The following GLIS3 variants were observed in gnomAD, a reference collection of about 807,000 sequenced individuals.
The protein encoded by GLIS3 is zinc finger protein GLIS3.
Under a neutral mutation model 78.6 loss-of-function variants are expected in GLIS3, and 53 were observed. The observed-to-expected ratio is 0.67, with a 90% CI of 0.54 to 0.85. GLIS3 has a LOEUF of 0.85. GLIS3 is among the 40% of genes least tolerant of loss of function. The pLI is 0.00. For missense variants in GLIS3, 1,703 were observed against 1,231.1 expected (o/e 1.38, Z -5.74); for synonymous variants, 684 against 509.9 (o/e 1.34, Z -4.60).
At chr9:4,269,466 G>C (rs887653313) in intron 2 of GLIS3, among the ~76,000 whole-genome samples, 3 of 152,170 alleles carry the variant, frequency 2.0e-5, no homozygotes, top group African/African-American at 7.2e-5. Flanking sequence ...ATATTACGAA[G>C]TATTGTCCAA....
intron 4 of GLIS3, among the ~76,000 whole-genome samples, chr9:3,984,151 C>T (rs996013288): frequency 1.3e-5 from 2 of 152,128 alleles, no homozygotes; most frequent in Non-Finnish European, 2.9e-5. Context: ...CACACAAAGT[C>T]CCTCCTAGGG....
At chr9:4,113,467 A>G (rs983420737) in intron 4 of GLIS3, among the ~76,000 whole-genome samples, 3 of 152,138 alleles carry the variant, frequency 2.0e-5, no homozygotes, top group African/African-American at 7.2e-5. Flanking sequence ...AAGGGTATCC[A>G]CTTCTCCATA....
chr9:4,059,067 A>G (rs1342283868), intron 4 of GLIS3, among the ~76,000 whole-genome samples: 2 of 152,090 alleles, frequency 1.3e-5, no homozygotes, highest in African/African-American at 2.4e-5. Flanking sequence ...ACCCTGAGTC[A>G]TCTAATCTAT....
At chr9:4,368,030 T>G in the GLIS3 span, among the ~76,000 whole-genome samples, 1 of 152,214 alleles carries the variant, frequency 6.6e-6, no homozygotes, top group African/African-American at 2.4e-5. Flanking sequence ...TTCTACTGTA[T>G]GATGTTTCCT....
At chr9:3,871,159 A>G (rs1235113961) in intron 8 of GLIS3, among the ~76,000 whole-genome samples, 2 of 152,222 alleles carry the variant, frequency 1.3e-5, no homozygotes, top group Non-Finnish European at 2.9e-5. Context: ...CCCAGGTCAC[A>G]CTGATGCAAG....
At chr9:4,457,103 C>G in the GLIS3 span, among the ~76,000 whole-genome samples, 5 of 152,094 alleles carry the variant, frequency 3.3e-5, no homozygotes, top group Non-Finnish European at 7.4e-5. Flanking sequence ...TGGCTCAAAG[C>G]TATAATCTCA....
chr9:4,023,416 T>C (rs896884505), intron 4 of GLIS3, among the ~76,000 whole-genome samples: 4 of 152,192 alleles, frequency 2.6e-5, no homozygotes, highest in Admixed American at 6.5e-5. Context: ...GCCTGCTAGC[T>C]TGGCCATCAG....
At chr9:3,926,299 C>G (rs1342470398) in intron 6 of GLIS3, among the ~76,000 whole-genome samples, 1 of 146,930 alleles carries the variant, frequency 6.8e-6, no homozygotes, top group South Asian at 2.2e-4. Context: ...GGTGCAATCT[C>G]TGCTCACTGC....
At chr9:4,243,994 T>G (rs1017613820) in intron 2 of GLIS3, among the ~76,000 whole-genome samples, 1 of 152,206 alleles carries the variant, frequency 6.6e-6, no homozygotes, top group Non-Finnish European at 1.5e-5. Context: ...ATCTGGCCAT[T>G]CCCTGCCTTC....
chr9:3,878,840 T>C lies in GLIS3; in HGVS notation c.2297+587A>G, dbSNP rs576121826. ...ATGGAGAAGCAAGAGATGCAGACTC[T>C]TATTTTGGTTTGTGGTACACAGAAG... is the stretch of plus-strand genomic sequence containing the variant. On this transcript the variant is annotated intron_variant, in intron 8 of 10. Coordinates refer to ENST00000381971, the MANE Select transcript of GLIS3 (RefSeq NM_001042413.2). The C allele has an allele frequency of 1.7e-3, 261 of 157,104 alleles. 3 individuals are homozygous for C. The highest frequency in any genetic ancestry group is 3.0e-3 in the Non-Finnish European group (210 of 70,818). 9.7% of individuals were successfully genotyped at this position (157,104 alleles called of 1,614,324 possible).
the GLIS3 span, among the ~76,000 whole-genome samples, chr9:4,411,745 C>A: frequency 6.6e-6 from 1 of 152,206 alleles, no homozygotes; most frequent in Non-Finnish European, 1.5e-5. Context: ...AACCCATGGA[C>A]AAGTGGCTTA....
chr9:4,333,365 A>G (rs1294337039), intron 2 of GLIS3, among the ~76,000 whole-genome samples: 2 of 151,906 alleles, frequency 1.3e-5, no homozygotes, highest in Non-Finnish European at 2.9e-5. Flanking sequence ...AAGGAAGGAA[A>G]AAGGGAAGAA....
At chr9:4,257,014 C>A (rs1370559187) in intron 2 of GLIS3, among the ~76,000 whole-genome samples, 1 of 152,002 alleles carries the variant, frequency 6.6e-6, no homozygotes, top group East Asian at 1.9e-4. Context: ...ATATATAGTA[C>A]ATATATGTGT....
intron 7 of GLIS3, among the ~76,000 whole-genome samples, chr9:3,883,589 A>G (rs1359540735): frequency 2.0e-5 from 3 of 152,346 alleles, no homozygotes; most frequent in Admixed American, 1.3e-4. Flanking sequence ...CGATCAAAAC[A>G]TAAGGAAGAG....
upstream of GLIS3, among the ~76,000 whole-genome samples, chr9:4,349,687 A>G (rs1157854423): frequency 1.3e-5 from 2 of 152,176 alleles, no homozygotes; most frequent in Non-Finnish European, 2.9e-5. Flanking sequence ...ACAGAGCATC[A>G]CTCTAAGCAC....
At chr9:4,120,391 A>T (rs1370314772) in intron 3 of GLIS3, among the ~76,000 whole-genome samples, 1 of 152,224 alleles carries the variant, frequency 6.6e-6, no homozygotes, top group Non-Finnish European at 1.5e-5. Flanking sequence ...CCCTTGACAT[A>T]GATTTTCCTC....
intron 4 of GLIS3, among the ~76,000 whole-genome samples, chr9:3,967,825 A>C (rs1460833389): frequency 6.6e-6 from 1 of 152,196 alleles, no homozygotes; most frequent in African/African-American, 2.4e-5. Context: ...CACAACCGTA[A>C]AGAATGTGCA....
At position 3,829,300 on chromosome 9, in the gene GLIS3, A is replaced by T; in HGVS notation, c.2656+10T>A. ...GACAGGATTTTCTAAGTCACAGACA[A>T]CCAACACACCTGTAATGCCCGAGTG... On this transcript the variant is annotated intron_variant, in intron 10 of 10. Transcript: ENST00000381971. 6.2e-7 allele frequency: 1 copy of T among 1,613,412 alleles called. No individual in the cohort carries two copies. The highest frequency in any genetic ancestry group is 2.2e-5 in the East Asian group (1 of 44,832).
At chr9:4,185,566 A>C (rs1049422289) in intron 2 of GLIS3, among the ~76,000 whole-genome samples, 1 of 152,210 alleles carries the variant, frequency 6.6e-6, no homozygotes, top group African/African-American at 2.4e-5. Context: ...GTATTCATCA[A>C]TGTCCCATAA....
Sources: gnomAD v4.1 joint callset for allele counts (sites outside exome capture counted in the v4.1 genomes callset) on GRCh38, gnomAD v4.1.1 for gene constraint, MANE v1.5 for transcripts, NCBI Gene and HGNC (gene_info 2026-07-23, HGNC 2026-07-21) for gene names.